CD300C: variants seen among roughly 807,000 people sequenced by gnomAD.
CD300C encodes CD300c molecule.
A neutral mutation model predicts 18.4 loss-of-function variants in CD300C; 11 were observed. That is an observed-to-expected ratio of 0.60 (90% CI 0.38 to 0.99). The LOEUF (loss-of-function observed/expected upper bound fraction) is 0.99, where lower values mean the gene tolerates loss of function less well. Ranked by LOEUF, CD300C falls within the 50% of genes least tolerant of loss-of-function variation. The pLI, the probability that CD300C is intolerant of heterozygous loss-of-function variation, is 0.01. For synonymous variants in CD300C, 116 were observed against 116.3 expected (o/e 1.00, Z 0.02); for missense variants, 277 against 287.4 (o/e 0.96, Z 0.26).
downstream of CD300C, among the ~76,000 whole-genome samples, chr17:74,538,440 C>T (rs1263965295): frequency 1.3e-5 from 2 of 152,196 alleles, no homozygotes; most frequent in African/African-American, 4.8e-5. Context: ...AGGGGAAGAC[C>T]TGGTGCCCTC....
Position 74,541,497 on chromosome 17 carries a change from G to A in CD300C, c.*92C>T. 1.2e-6 allele frequency: 1 copy of A among 845,090 alleles called. No homozygotes were observed. Among genetic ancestry groups the A allele is most frequent in the Non-Finnish European group, 2.0e-6 (1 of 492,606 alleles). The allele number at this position is 845,090 out of a possible 1,614,324, so 52.3% of individuals were successfully genotyped here. A position where few individuals can be genotyped will look rare whatever the true frequency, so the allele number is the denominator to read the frequency against. On this transcript the variant is annotated 3_prime_UTR_variant, in exon 4 of 4. Coordinates refer to ENST00000330793, the MANE Select transcript of CD300C (RefSeq NM_006678.5). ...CTCACAAAGGATTCCAGGAGATGTGGAGAGAGCAGCCCGGGAGGGAGTGGT... is the reference window on the plus strand; with the variant it reads ...CTCACAAAGGATTCCAGGAGATGTGAAGAGAGCAGCCCGGGAGGGAGTGGT...
At chr17:74,535,882 T>C in the CD300C span, among the ~76,000 whole-genome samples, 1 of 152,134 alleles carries the variant, frequency 6.6e-6, no homozygotes, top group African/African-American at 2.4e-5. Flanking sequence ...AATAAGCAAT[T>C]AGGCAAATTC....
rs1908745265 is a variant in CD300C, at chr17:74,545,899, G to T, written c.-117C>A. 2.3e-6 allele frequency: 2 copies of T among 863,976 alleles called. No individual in the cohort carries two copies. Among genetic ancestry groups the T allele is most frequent in the South Asian group, 1.5e-5 (1 of 65,638 alleles). The allele number at this position is 863,976 out of a possible 1,614,324, so 53.5% of individuals were successfully genotyped here. ...CTTTTCTTCTGCTCTCTGCTTCCTT[G>T]TCCAGCCCTGTCTCAGGTCTGAGGC... On this transcript the variant is annotated 5_prime_UTR_variant, in exon 1 of 4. Coordinates refer to ENST00000330793, the MANE Select transcript of CD300C (RefSeq NM_006678.5).
intron 3 of CD300C, 71 bp downstream of exon 3, chr17:74,542,790 C>G (rs919901878): frequency 2.6e-6 from 4 of 1,515,172 alleles, no homozygotes; most frequent in African/African-American, 2.8e-5. Context: ...AAGGGACATC[C>G]GAGTCCCCTA....
At chr17:74,543,084 T>C in intron 2 of CD300C, 97 bp from the exon 3 acceptor site, 1 of 1,515,848 alleles carries the variant, frequency 6.6e-7, no homozygotes, top group Non-Finnish European at 9.1e-7. Flanking sequence ...AGGTCACCAA[T>C]GATGTGCTGG....
rs541094054 is a variant in CD300C, at chr17:74,543,010, C to A, written c.401-23G>T. 6 of 1,612,712 alleles carry A rather than the reference C, an allele frequency of 3.7e-6. No individual in the cohort carries two copies. In the Admixed American group the frequency reaches 1.0e-4, roughly 27 times the overall value. On this transcript the variant is annotated intron_variant, in intron 2 of 3. Coordinates refer to ENST00000330793, the MANE Select transcript of CD300C (RefSeq NM_006678.5). ...CGGCTGTGGGTGAAACACAGGTCAA[C>A]CTTGATGACATCACATGGGTCTCCC...
rs1296662397 is a variant in CD300C at position 74,544,520 on chromosome 17, A to T, written c.400+89T>A. ...TCCTGACTCACCAACCCCCAGGCTC[A>T]CACCCTCCTGTTCCACTTCTTTCTT... On this transcript the variant is annotated intron_variant, in intron 2 of 3. Coordinates refer to ENST00000330793, the MANE Select transcript of CD300C (RefSeq NM_006678.5). 4 of 1,443,706 alleles carry T rather than the reference A, an allele frequency of 2.8e-6. No individual in the cohort carries two copies. The East Asian group carries it at 9.3e-5, about 33-fold the overall frequency. The allele number at this position is 1,443,706 out of a possible 1,614,324, so 89.4% of individuals were successfully genotyped here.
chr17:74,543,164 G>A (rs533197909), intron 2 of CD300C, among the ~76,000 whole-genome samples, 177 bp from the exon 3 acceptor site: 9 of 152,348 alleles, frequency 5.9e-5, no homozygotes, highest in African/African-American at 2.2e-4. Flanking sequence ...GCCTCTCCTT[G>A]TCCCATCCCT....
Position 74,545,724 on chromosome 17 carries a change from G to T in CD300C, c.59C>A (p.Pro20Gln). 6.2e-7 allele frequency: 1 copy of T among 1,607,880 alleles called. No homozygotes were observed. The stretch of plus-strand genomic sequence containing the variant: ...AAGTCCAGGGTCGGCCCACTCACCT[G>T]GGACAAGCAGGAGGAGCAGAGCTGA... ...RSSALLLLLV[P>Q]GYFPLSHPMT... The change falls in exon 1 of 4, where the codon CCA becomes CAA. Residue 20 changes from proline to glutamine, a missense_variant and splice_region_variant. Physicochemically the swap from Pro to Gln is moderately conservative, Grantham distance 76. Transcript: ENST00000330793.
downstream of CD300C, among the ~76,000 whole-genome samples, chr17:74,536,985 G>C (rs1908396382): frequency 6.6e-6 from 1 of 151,880 alleles, no homozygotes; most frequent in Admixed American, 6.6e-5. Context: ...GAAAAAAGAA[G>C]AGGAGGAGGA....
the CD300C span, among the ~76,000 whole-genome samples, chr17:74,535,002 A>G: frequency 6.6e-6 from 1 of 152,254 alleles, no homozygotes. Flanking sequence ...AAGACATGAG[A>G]ATTAGAAAGA....
Position 74,544,606 on chromosome 17 carries a change from C to T in CD300C, c.400+3G>A, listed in dbSNP as rs965041395. ...CCTGGTGCTGAGAAAAGGAGGGGCT[C>T]ACCCGGGAACACGGACACCTCAACC... On this transcript the variant is annotated splice_donor_region_variant and intron_variant, in intron 2 of 3. Coordinates refer to ENST00000330793, the MANE Select transcript of CD300C (RefSeq NM_006678.5). 1.9e-6 allele frequency: 3 copies of T among 1,606,206 alleles called. No homozygotes were observed. The highest frequency in any genetic ancestry group is 2.6e-6 in the Non-Finnish European group (3 of 1,174,214).
chr17:74,537,444 G>A (rs1049422438), downstream of CD300C, among the ~76,000 whole-genome samples: 3 of 151,994 alleles, frequency 2.0e-5, no homozygotes, highest in African/African-American at 7.3e-5. Context: ...GAGGTCAGGA[G>A]ATGGTAAAAC....
rs1908679632 is a variant in CD300C at position 74,544,562 on chromosome 17, A to G, written c.400+47T>C. 3 of 1,562,290 alleles carry G rather than the reference A, an allele frequency of 1.9e-6. 1 individual carries two copies. The highest frequency in any genetic ancestry group is 3.5e-4 in the Middle Eastern group (2 of 5,794). On this transcript the variant is annotated intron_variant, in intron 2 of 3. Coordinates refer to ENST00000330793, the MANE Select transcript of CD300C (RefSeq NM_006678.5). ...TTCTTTCTTCAGGGACAGAATGACC[A>G]GCCCTAGGCTCAGGCAGGCCTGGTG...
the CD300C span, among the ~76,000 whole-genome samples, chr17:74,534,650 C>T: frequency 6.6e-6 from 1 of 152,180 alleles, no homozygotes; most frequent in Non-Finnish European, 1.5e-5. Flanking sequence ...TAAAATAATG[C>T]TTTTATTCTC....
Position 74,542,852 on chromosome 17 carries a change from G to T in CD300C, c.527+9C>A. ...CAGCGTGGCCCAGTCCTATGCGCAG[G>T]CACCTTACCCAGGGTGTGGGCTGGG... On this transcript the variant is annotated intron_variant, in intron 3 of 3. Transcript: ENST00000330793. 4 of 1,603,414 alleles carry T rather than the reference G, an allele frequency of 2.5e-6. No homozygotes were observed. The highest frequency in any genetic ancestry group is 1.7e-6 in the Non-Finnish European group (2 of 1,179,666).
At chr17:74,545,552 G>T (rs1197322275) in intron 1 of CD300C, among the ~76,000 whole-genome samples, 170 bp downstream of exon 1, 2 of 152,158 alleles carry the variant, frequency 1.3e-5, no homozygotes, top group Non-Finnish European at 1.5e-5. Context: ...GTGCCCTGCC[G>T]CCTGCTGTCC....
At position 74,546,029 on chromosome 17, in the gene CD300C, C is replaced by T. The variant is rs1260490457; in HGVS notation, c.-247G>A. On this transcript the variant is annotated 5_prime_UTR_variant, in exon 1 of 4. Coordinates refer to ENST00000330793, the MANE Select transcript of CD300C (RefSeq NM_006678.5). The stretch of plus-strand genomic sequence containing the variant: ...TAGTGGCTCCTCTCAACCCTGACGT[C>T]TGGCAAAGTCCAGGGTCCCTTGGGT... The T allele has an allele frequency of 2.0e-6, 1 of 488,504 alleles. No homozygotes were observed. Among genetic ancestry groups the T allele is most frequent in the South Asian group, 2.5e-5 (1 of 40,092 alleles). The allele number at this position is 488,504 out of a possible 1,614,324, so 30.3% of individuals were successfully genotyped here.
rs1908684658 is a variant in CD300C at position 74,544,646 on chromosome 17, A to G, written c.363T>C (p.His121=). 1.2e-6 allele frequency: 2 copies of G among 1,613,742 alleles called. No individual in the cohort carries two copies. Among genetic ancestry groups the G allele is most frequent in the Non-Finnish European group, 1.7e-6 (2 of 1,179,656 alleles). ...ACACCTCAACCTCGACAATGGGATC[A>G]TGAAAGTCTCGGAGCCACGGTGTAT... ...GVDTPWLRDF[H]DPIVEVEVSV... Residue 121 remains histidine, a synonymous_variant, in exon 2 of 4, where the codon CAT becomes CAC. Coordinates refer to ENST00000330793, the MANE Select transcript of CD300C (RefSeq NM_006678.5).
Sources: gnomAD v4.1 joint callset for allele counts (sites outside exome capture counted in the v4.1 genomes callset) on GRCh38, gnomAD v4.1.1 for gene constraint, MANE v1.5 for transcripts, NCBI Gene and HGNC (gene_info 2026-07-23, HGNC 2026-07-21) for gene names.